Variants in GAREM1 observed in about 807,000 individuals in gnomAD.
GAREM1 encodes the protein GRB2-associated and regulator of MAPK protein 1.
Under a neutral mutation model 71.3 loss-of-function variants are expected in GAREM1, and 26 were observed. That is an observed-to-expected ratio of 0.36 (90% CI 0.27 to 0.51). The LOEUF is 0.51. GAREM1 is among the 20% of genes least tolerant of loss of function. The probability of loss-of-function intolerance (pLI) is 0.95; values close to 1 mark genes in which losing one functional copy is unlikely to be tolerated. For missense variants in GAREM1, 1,026 were observed against 1,103.1 expected, an observed-to-expected ratio of 0.93 and a Z score of 0.99; for synonymous variants, 440 against 433.2, an observed-to-expected ratio of 1.02 and a Z score of -0.20.
intron 2 of GAREM1, among the ~76,000 whole-genome samples, chr18:32,333,935 T>C (rs541966544): frequency 6.6e-6 from 1 of 152,260 alleles, no homozygotes; most frequent in East Asian, 1.9e-4. Context: ...GAGAAGTCTA[T>C]TTGTTCCACC....
intron 2 of GAREM1, among the ~76,000 whole-genome samples, chr18:32,312,108 T>C (rs2047329557): frequency 6.6e-6 from 1 of 152,196 alleles, no homozygotes; most frequent in Non-Finnish European, 1.5e-5. Flanking sequence ...CTGAGATGTC[T>C]ATTGGACACG....
chr18:32,365,066 C>T (rs1344335537), intron 2 of GAREM1, among the ~76,000 whole-genome samples: 2 of 152,212 alleles, frequency 1.3e-5, no homozygotes, highest in East Asian at 3.9e-4. Context: ...CCTTAGCCAT[C>T]TACAGAATTT....
chr18:32,359,575 G>A (rs955357406), intron 2 of GAREM1, among the ~76,000 whole-genome samples: 2 of 152,058 alleles, frequency 1.3e-5, no homozygotes, highest in Admixed American at 6.6e-5. Flanking sequence ...TGTTTTTAAC[G>A]TAACTATCAC....
chr18:32,453,125 C>A (rs1254916639), intron 1 of GAREM1, among the ~76,000 whole-genome samples: 1 of 152,038 alleles, frequency 6.6e-6, no homozygotes, highest in Non-Finnish European at 1.5e-5. Context: ...AAAGGCACGT[C>A]TTACGCGGCC....
chr18:32,311,108 A>AG (rs1291542837), intron 2 of GAREM1, among the ~76,000 whole-genome samples: 2 of 152,258 alleles, frequency 1.3e-5, no homozygotes, highest in African/African-American at 2.4e-5. Flanking sequence ...TAAAATATCA[A>AG]GGATCTATCA....
chr18:32,388,090 TA>T (rs1329393159), intron 2 of GAREM1, among the ~76,000 whole-genome samples: 1 of 151,982 alleles, frequency 6.6e-6, no homozygotes, highest in Non-Finnish European at 1.5e-5. Flanking sequence ...GGACATGATT[TA>T]AAAAATGAAG....
intron 2 of GAREM1, among the ~76,000 whole-genome samples, chr18:32,312,388 A>G (rs2047333338): frequency 1.3e-5 from 2 of 152,094 alleles, no homozygotes; most frequent in South Asian, 4.2e-4. Flanking sequence ...CCTCTCATGA[A>G]TGGTGAGTGG....
chr18:32,343,311 GT>G (rs35086441), intron 2 of GAREM1, among the ~76,000 whole-genome samples: 8,618 of 118,818 alleles, frequency 0.073, 303 homozygotes, highest in African/African-American at 0.17. Flanking sequence ...CTCCCCCACT[GT>G]TTTTTTTTTT....
intron 1 of GAREM1, among the ~76,000 whole-genome samples, chr18:32,405,940 T>C (rs1438826839): frequency 6.6e-6 from 1 of 152,228 alleles, no homozygotes; most frequent in African/African-American, 2.4e-5. Context: ...CTTTTTTTGT[T>C]ACAGTAGTTA....
intron 2 of GAREM1, among the ~76,000 whole-genome samples, chr18:32,358,331 C>T (rs2047826271): frequency 6.6e-6 from 1 of 151,974 alleles, no homozygotes; most frequent in African/African-American, 2.4e-5. Context: ...TAGCTCATTA[C>T]AGGAGGTCAA....
intron 2 of GAREM1, among the ~76,000 whole-genome samples, chr18:32,358,521 T>C (rs1205472679): frequency 1.3e-5 from 2 of 152,160 alleles, no homozygotes; most frequent in Non-Finnish European, 2.9e-5. Flanking sequence ...TGTTGTGAAG[T>C]ATTGATATTC....
At chr18:32,468,960 T>C (rs1222825930) in intron 1 of GAREM1, among the ~76,000 whole-genome samples, 75 of 82,160 alleles carry the variant, frequency 9.1e-4, no homozygotes, top group African/African-American at 1.5e-3. Flanking sequence ...CACCTGTGCG[T>C]CCCCCCCCCC....
intron 2 of GAREM1, among the ~76,000 whole-genome samples, chr18:32,347,093 C>T (rs946462518): frequency 1.3e-5 from 2 of 152,244 alleles, no homozygotes; most frequent in African/African-American, 2.4e-5. Flanking sequence ...TACACTGTGT[C>T]CTCAAATGCT....
Position 32,425,024 on chromosome 18 carries a change from A to G in GAREM1, c.122-31989T>C, listed in dbSNP as rs966426261. ...TAAAATTCTGTACCAGTCCCAATTT[A>G]GTGTTTGTGATTGAGTAAAGGGTCA... On this transcript the variant is annotated intron_variant, in intron 1 of 5. Transcript: ENST00000269209. Among the ~76,000 whole-genome samples, 8 of 152,142 alleles carry G rather than the reference A, an allele frequency of 5.3e-5. 1 individual carries two copies. The South Asian group carries it at 1.7e-3, about 32-fold the overall frequency.
At chr18:32,463,373 A>G (rs2048969773) in intron 1 of GAREM1, among the ~76,000 whole-genome samples, 1 of 152,092 alleles carries the variant, frequency 6.6e-6, no homozygotes, top group African/African-American at 2.4e-5. Context: ...CTTGAAAAAA[A>G]AGACACTGGA....
intron 1 of GAREM1, among the ~76,000 whole-genome samples, chr18:32,432,395 A>G (rs1470781779): frequency 6.6e-6 from 1 of 152,162 alleles, no homozygotes; most frequent in Non-Finnish European, 1.5e-5. Flanking sequence ...GCAATCCAAA[A>G]GAAAGAAGAG....
At chr18:32,312,656 T>A (rs2047335923) in intron 2 of GAREM1, among the ~76,000 whole-genome samples, 1 of 152,184 alleles carries the variant, frequency 6.6e-6, no homozygotes, top group Non-Finnish European at 1.5e-5. Flanking sequence ...AAGTGAGATG[T>A]AGGAAATGTT....
At chr18:32,316,196 G>GA (rs1422944087) in intron 2 of GAREM1, among the ~76,000 whole-genome samples, 1 of 152,034 alleles carries the variant, frequency 6.6e-6, no homozygotes, top group Non-Finnish European at 1.5e-5. Context: ...AGAGAACAAG[G>GA]AAAAAAACTA....
chr18:32,329,620 C>CCTTG (rs2047510700), intron 2 of GAREM1, among the ~76,000 whole-genome samples: 2 of 146,614 alleles, frequency 1.4e-5, no homozygotes, highest in African/African-American at 2.6e-5. Flanking sequence ...GCAGAAGAAT[C>CCTTG]ACTTGAACCC....
Sources: gnomAD v4.1 joint callset for allele counts (sites outside exome capture counted in the v4.1 genomes callset) on GRCh38, gnomAD v4.1.1 for gene constraint, MANE v1.5 for transcripts, NCBI Gene and HGNC (gene_info 2026-07-23, HGNC 2026-07-21) for gene names.